The following GP2 variants were observed in gnomAD, a reference collection of about 807,000 sequenced individuals.
GP2 encodes the protein glycoprotein 2, also known as pancreatic secretory granule membrane major glycoprotein GP2.
GP2 carries 58 observed loss-of-function variants against 60.8 expected under a neutral mutation model. That is an observed-to-expected ratio of 0.95 (90% CI 0.77 to 1.19). The LOEUF is 1.19. GP2 is among the 50% of genes most tolerant of loss of function. GP2 has a pLI of 0.00. For synonymous variants in GP2, 280 were observed against 253.4 expected, an observed-to-expected ratio of 1.10 and a Z score of -1.00; for missense variants, 647 against 667.4, an observed-to-expected ratio of 0.97 and a Z score of 0.34.
chr16:20,322,759 C>T (rs961047146), intron 4 of GP2, 110 bp downstream of exon 4: 1 of 644,556 alleles, frequency 1.6e-6, no homozygotes, highest in Admixed American at 2.5e-5. Flanking sequence ...CCCTTGACCT[C>T]AGGTCCATGC....
At chr16:20,319,868 T>C in intron 5 of GP2, 100 bp from the exon 6 acceptor site, 3 of 912,500 alleles carry the variant, frequency 3.3e-6, no homozygotes, top group Non-Finnish European at 5.3e-6. Context: ...TGCTTAACCA[T>C]GCAGCCACCC....
chr16:20,310,713 G>C lies in GP2; in HGVS notation c.*510C>G, dbSNP rs143450461. 5 of 154,640 alleles carry C rather than the reference G, an allele frequency of 3.2e-5. 1 individual carries two copies. In the East Asian group the frequency reaches 9.6e-4, roughly 30 times the overall value. The allele number at this position is 154,640 out of a possible 1,614,324, so 9.6% of individuals were successfully genotyped here. A position where few individuals can be genotyped will look rare whatever the true frequency, so the allele number is the denominator to read the frequency against. ...GTCCCATCAACAAATGAGAAGGGCA[G>C]CCGAGGACAGATTGACAGAAACCCC... is the stretch of plus-strand genomic sequence containing the variant. On this transcript the variant is annotated 3_prime_UTR_variant, in exon 11 of 11. Coordinates refer to ENST00000302555, the MANE Select transcript of GP2 (RefSeq NM_001502.4).
At chr16:20,314,154 T>C (rs576127654) in intron 10 of GP2, among the ~76,000 whole-genome samples, 1 of 151,430 alleles carries the variant, frequency 6.6e-6, no homozygotes, top group South Asian at 2.1e-4. Flanking sequence ...GACAGGTTGG[T>C]GGGTGCAGCA....
chr16:20,317,159 A>C (rs1174135203), intron 8 of GP2, 54 bp downstream of exon 8: 3 of 1,033,664 alleles, frequency 2.9e-6, no homozygotes, highest in African/African-American at 1.7e-5. Flanking sequence ...AAAGCCTATC[A>C]GGTACCAGGC....
intron 10 of GP2, among the ~76,000 whole-genome samples, chr16:20,312,743 C>A (rs183097390): frequency 6.6e-6 from 1 of 152,058 alleles, no homozygotes; most frequent in African/African-American, 2.4e-5. Flanking sequence ...CTCCTCCTCC[C>A]GGGTTCAAGT....
At chr16:20,326,283 C>T (rs1289622124) in intron 2 of GP2, 55 bp downstream of exon 2, 6 of 1,565,266 alleles carry the variant, frequency 3.8e-6, no homozygotes, top group Non-Finnish European at 5.3e-6. Flanking sequence ...CACTTCTATC[C>T]TCACTTGCTA....
chr16:20,313,018 A>G (rs1467712540), intron 10 of GP2, among the ~76,000 whole-genome samples: 2 of 152,132 alleles, frequency 1.3e-5, no homozygotes, highest in Non-Finnish European at 2.9e-5. Flanking sequence ...CATTTTCTGA[A>G]TGCTAGCACG....
In GP2 at chr16:20,310,217, T is replaced by C. The variant is rs529031268; in HGVS notation, c.*1006A>G. ...ATTGCTTCTGTTGGGACTTCTTGCT[T>C]AATCCTTCAGAGCAAGCACAGCACT... is the stretch of plus-strand genomic sequence containing the variant. On this transcript the variant is annotated 3_prime_UTR_variant, in exon 11 of 11. Transcript: ENST00000302555. 1 of 152,334 alleles carries C rather than the reference T, an allele frequency of 6.6e-6. No individual in the cohort carries two copies. The allele number at this position is 152,334 out of a possible 1,614,324, so 9.4% of individuals were successfully genotyped here. A position where few individuals can be genotyped will look rare whatever the true frequency, so the allele number is the denominator to read the frequency against.
Position 20,310,296 on chromosome 16 carries a change from T to A in GP2, c.*927A>T, listed in dbSNP as rs1385042181. On this transcript the variant is annotated 3_prime_UTR_variant, in exon 11 of 11. Coordinates refer to ENST00000302555, the MANE Select transcript of GP2 (RefSeq NM_001502.4). The stretch of plus-strand genomic sequence containing the variant: ...GATGGAGTTTCTGCATCAAATTAAG[T>A]CATTCCTCCAGCATCTAGGTCCCAA... 1.3e-5 allele frequency: 2 copies of A among 152,202 alleles called. No homozygotes were observed. The highest frequency in any genetic ancestry group is 1.3e-4 in the Admixed American group (2 of 15,276). The allele number at this position is 152,202 out of a possible 1,614,324, so 9.4% of individuals were successfully genotyped here.
Position 20,322,852 on chromosome 16 carries a change from C to G in GP2, c.646+17G>C. ...GCCCCCTCAGGATGGTAGTTACTTGCCCAGTGAGCAGCTCACCAGAACTAT... is the reference window on the plus strand; with the variant it reads ...GCCCCCTCAGGATGGTAGTTACTTGGCCAGTGAGCAGCTCACCAGAACTAT... On this transcript the variant is annotated intron_variant, in intron 4 of 10. Coordinates refer to ENST00000302555, the MANE Select transcript of GP2 (RefSeq NM_001502.4). 1 of 1,384,138 alleles carries G rather than the reference C, an allele frequency of 7.2e-7. No homozygotes were observed. Among genetic ancestry groups the G allele is most frequent in the Non-Finnish European group, 1.0e-6 (1 of 970,500 alleles). 85.7% of individuals were successfully genotyped at this position (1,384,138 alleles called of 1,614,324 possible). A position where few individuals can be genotyped will look rare whatever the true frequency, so the allele number is the denominator to read the frequency against.
At chr16:20,322,767 T>A (rs1964404635) in intron 4 of GP2, 102 bp downstream of exon 4, 1 of 665,016 alleles carries the variant, frequency 1.5e-6, no homozygotes, top group South Asian at 1.9e-5. Flanking sequence ...CTCAGGTCCA[T>A]GCCCCTGACT....
chr16:20,318,376 G>T lies in GP2; in HGVS notation c.1062C>A (p.Leu354=). Residue 354 remains leucine, a synonymous_variant, in exon 7 of 11, where the codon CTC becomes CTA. Transcript: ENST00000302555. ...GATTCGTGTAGTTCTGGTCTTGGAA[G>T]AGGGCCATCCTGACAATGAACTCTC... The part of the protein sequence containing the change: ...GNGEFIVRMA[L]FQDQNYTNPY... 6.2e-7 allele frequency: 1 copy of T among 1,612,614 alleles called. No individual in the cohort carries two copies. The highest frequency in any genetic ancestry group is 8.5e-7 in the Non-Finnish European group (1 of 1,178,644).
Position 20,319,720 on chromosome 16 carries a change from C to A in GP2, c.907G>T (p.Asp303Tyr), listed in dbSNP as rs1964290997. Residue 303 changes from aspartate (D) to tyrosine (Y), a missense_variant, in exon 6 of 11, where the codon GAT becomes TAT. By Grantham distance (160) the Asp-to-Tyr change is radical (BLOSUM62 -3). Coordinates refer to ENST00000302555, the MANE Select transcript of GP2 (RefSeq NM_001502.4). ...AGGATGGTGTCTCTGATGATGAAAT[C>A]ATTGACCAAGGAGAGGGTGTTTTTG... ...IYKNTLSLVN[D>Y]FIIRDTILNI... 2 of 1,611,716 alleles carry A rather than the reference C, an allele frequency of 1.2e-6. No homozygotes were observed. Among genetic ancestry groups the A allele is most frequent in the African/African-American group, 1.3e-5 (1 of 74,844 alleles).
intron 10 of GP2, among the ~76,000 whole-genome samples, chr16:20,314,272 GA>G (rs1200591176): frequency 7.1e-6 from 1 of 141,410 alleles, no homozygotes; most frequent in East Asian, 2.5e-4. Context: ...TCTTGAGTTT[GA>G]AAAAAAAAGA....
At position 20,318,445 on chromosome 16, in the gene GP2, G is replaced by A; in HGVS notation, c.1008-15C>T. The A allele has an allele frequency of 1.2e-6, 2 of 1,609,890 alleles. No individual in the cohort carries two copies. Among genetic ancestry groups the A allele is most frequent in the Non-Finnish European group, 1.7e-6 (2 of 1,176,916 alleles). On this transcript the variant is annotated splice_polypyrimidine_tract_variant and intron_variant, in intron 6 of 10. Coordinates refer to ENST00000302555, the MANE Select transcript of GP2 (RefSeq NM_001502.4). ...CGTTCAGGGAACTGAGAAAAAGAAA[G>A]CCACAAGAGTGGAAACCTCAGAGAA...
At chr16:20,318,507 T>TA (rs1964254637) in intron 6 of GP2, 77 bp from the exon 7 acceptor site, 3 of 1,363,466 alleles carry the variant, frequency 2.2e-6, no homozygotes, top group Non-Finnish European at 3.1e-6. Context: ...TTAACACACT[T>TA]ACGAAGGCAA....
intron 6 of GP2, 57 bp downstream of exon 6, chr16:20,319,563 A>C: frequency 7.9e-7 from 1 of 1,270,654 alleles, no homozygotes; most frequent in Non-Finnish European, 1.1e-6. Context: ...ACTTGAAGTA[A>C]GTGTGATGTG....
In GP2 at chr16:20,317,885, G is replaced by C. The variant is rs1343154908; in HGVS notation, c.1253+300C>G. On this transcript the variant is annotated intron_variant, in intron 7 of 10. Transcript: ENST00000302555. The stretch of plus-strand genomic sequence containing the variant: ...ACATTTATCATATTGTTTTCATATT[G>C]ACCAGTGTTCACTTCTGTGTAATAA... 2.6e-5 allele frequency among the ~76,000 whole-genome samples: 4 copies of C among 151,980 alleles called. No individual in the cohort carries two copies. The South Asian group carries it at 8.3e-4, about 32-fold the overall frequency.
At chr16:20,324,741 A>G (rs1296670136) in intron 2 of GP2, among the ~76,000 whole-genome samples, 1 of 152,240 alleles carries the variant, frequency 6.6e-6, no homozygotes, top group Non-Finnish European at 1.5e-5. Flanking sequence ...TTAAAAATAA[A>G]AATAAGTTTA....
Sources: allele counts gnomAD v4.1 joint callset (sites outside exome capture counted in the v4.1 genomes callset), GRCh38; gene constraint gnomAD v4.1.1; transcripts MANE v1.5; gene names NCBI Gene and HGNC (gene_info 2026-07-23, HGNC 2026-07-21).